Variants in EYS observed in about 807,000 individuals in gnomAD.
EYS encodes the protein protein eyes shut homolog.
EYS carries 250 observed loss-of-function variants against 282.1 expected under a neutral mutation model. That is an observed-to-expected ratio of 0.89 (90% CI 0.80 to 0.98). The LOEUF (loss-of-function observed/expected upper bound fraction) is 0.98, where lower values mean the gene tolerates loss of function less well. Among genes scored for constraint, EYS ranks in the 50% least tolerant of loss-of-function variants. The probability of loss-of-function intolerance (pLI) is 0.00; values close to 1 mark genes in which losing one functional copy is unlikely to be tolerated. For synonymous variants in EYS, 1,355 were observed against 1,282.9 expected, an observed-to-expected ratio of 1.06 and a Z score of -1.20; for missense variants, 4,016 against 3,709.0, an observed-to-expected ratio of 1.08 and a Z score of -2.15.
intron 12 of EYS, among the ~76,000 whole-genome samples, chr6:65,249,067 G>GA (rs530669573): frequency 0.07 from 8,486 of 121,844 alleles, 276 homozygotes; most frequent in Non-Finnish European, 0.078. Flanking sequence ...ACTGACAAGT[G>GA]AAAAAAAAAA....
chr6:64,612,243 C>T (rs1343409426), intron 24 of EYS, among the ~76,000 whole-genome samples: 1 of 151,908 alleles, frequency 6.6e-6, no homozygotes, highest in African/African-American at 2.4e-5. Context: ...ACTATATAAA[C>T]ATCTGTGTTT....
chr6:63,850,699 C>T (rs559625167), intron 36 of EYS, among the ~76,000 whole-genome samples: 6 of 152,154 alleles, frequency 3.9e-5, no homozygotes, highest in East Asian at 3.9e-4. Flanking sequence ...AAAGAAAAAC[C>T]GGTACCAGCC....
chr6:63,735,697 A>G (rs1253915359), intron 41 of EYS, among the ~76,000 whole-genome samples: 2 of 151,978 alleles, frequency 1.3e-5, no homozygotes, highest in African/African-American at 2.4e-5. Context: ...CAACAATCCA[A>G]TCCATAGGCA....
intron 35 of EYS, among the ~76,000 whole-genome samples, chr6:63,896,008 T>G (rs1184386940): frequency 2.6e-5 from 4 of 152,044 alleles, no homozygotes; most frequent in Non-Finnish European, 5.9e-5. Flanking sequence ...AAAAATACTT[T>G]GTGAATATTT....
intron 12 of EYS, among the ~76,000 whole-genome samples, chr6:65,288,776 AC>A (rs1157398635): frequency 2.0e-5 from 3 of 151,174 alleles, no homozygotes; most frequent in Non-Finnish European, 4.5e-5. Context: ...ATGGAATAAT[AC>A]ATATGCACAT....
intron 5 of EYS, among the ~76,000 whole-genome samples, chr6:65,470,198 C>A (rs1765157764): frequency 6.6e-6 from 1 of 152,056 alleles, no homozygotes; most frequent in African/African-American, 2.4e-5. Context: ...TAAAAACATT[C>A]CTTTTACCAC....
chr6:64,048,599 G>A (rs1770704613), intron 33 of EYS, among the ~76,000 whole-genome samples: 1 of 152,004 alleles, frequency 6.6e-6, no homozygotes, highest in African/African-American at 2.4e-5. Flanking sequence ...ATAAAGGTGG[G>A]CTCAAATGTT....
chr6:64,070,244 G>T (rs1389497545), intron 32 of EYS, among the ~76,000 whole-genome samples: 2 of 152,004 alleles, frequency 1.3e-5, no homozygotes, highest in Non-Finnish European at 2.9e-5. Flanking sequence ...CACTTTGAAT[G>T]GATGTTTTAC....
At chr6:65,672,890 C>T (rs1193192328) in intron 1 of EYS, among the ~76,000 whole-genome samples, 2 of 151,914 alleles carry the variant, frequency 1.3e-5, no homozygotes, top group Non-Finnish European at 2.9e-5. Context: ...TGGGGTGTGG[C>T]CATTTTATAG....
chr6:64,482,648 TA>T (rs1776467719), intron 26 of EYS, among the ~76,000 whole-genome samples: 1 of 151,718 alleles, frequency 6.6e-6, no homozygotes, highest in Non-Finnish European at 1.5e-5. Flanking sequence ...ACGATTATTG[TA>T]TTATGGTTGT....
chr6:65,606,133 T>C (rs1765781218), intron 2 of EYS, among the ~76,000 whole-genome samples: 2 of 151,618 alleles, frequency 1.3e-5, no homozygotes, highest in Non-Finnish European at 1.5e-5. Context: ...TGGTAGTCTC[T>C]AGGAAACACA....
At chr6:64,358,005 T>C (rs1001652176) in intron 29 of EYS, among the ~76,000 whole-genome samples, 2 of 151,654 alleles carry the variant, frequency 1.3e-5, no homozygotes, top group African/African-American at 4.8e-5. Flanking sequence ...ATCAGGGAAA[T>C]TTCCAGAAGG....
At chr6:65,322,252 G>A (rs547724268) in intron 11 of EYS, among the ~76,000 whole-genome samples, 6 of 152,134 alleles carry the variant, frequency 3.9e-5, no homozygotes, top group Non-Finnish European at 5.9e-5. Context: ...AGGAAAGCAC[G>A]GTTCACCTTC....
intron 31 of EYS, among the ~76,000 whole-genome samples, chr6:64,210,691 C>T (rs1446341080): frequency 2.0e-5 from 3 of 151,950 alleles, no homozygotes; most frequent in Admixed American, 6.6e-5. Context: ...TTCTCAATGG[C>T]GTCAATTTGA....
intron 11 of EYS, chr6:65,331,836 A>C (rs1769807567): frequency 2.0e-6 from 1 of 499,982 alleles, no homozygotes; most frequent in Non-Finnish European, 2.6e-6. Flanking sequence ...TCAGTAATTC[A>C]TCTTTGTCTA....
chr6:64,914,574 C>T (rs1350003877), intron 15 of EYS, among the ~76,000 whole-genome samples: 1 of 151,882 alleles, frequency 6.6e-6, no homozygotes, highest in African/African-American at 2.4e-5. Flanking sequence ...TATATCAAGG[C>T]CCTTTATAAT....
intron 26 of EYS, among the ~76,000 whole-genome samples, chr6:64,588,666 T>C (rs2149829764): frequency 6.6e-6 from 1 of 152,142 alleles, no homozygotes; most frequent in African/African-American, 2.4e-5. Flanking sequence ...AGGTCCTTAG[T>C]TTTCCTTAAA....
intron 31 of EYS, among the ~76,000 whole-genome samples, chr6:64,110,824 C>A (rs1471076246): frequency 2.6e-5 from 4 of 151,702 alleles, no homozygotes; most frequent in Non-Finnish European, 2.9e-5. Flanking sequence ...GGAAGTATGG[C>A]ATTAGAAAAG....
At chr6:64,225,561 C>T (rs1481107879) in intron 31 of EYS, among the ~76,000 whole-genome samples, 3 of 151,988 alleles carry the variant, frequency 2.0e-5, no homozygotes, top group Non-Finnish European at 4.4e-5. Flanking sequence ...TAGATGGGAT[C>T]ATGAGCCAAA....
Sources: gnomAD v4.1 joint callset for allele counts (sites outside exome capture counted in the v4.1 genomes callset) on GRCh38, gnomAD v4.1.1 for gene constraint, MANE v1.5 for transcripts, NCBI Gene and HGNC (gene_info 2026-07-23, HGNC 2026-07-21) for gene names.